NEB: variants seen among roughly 807,000 people sequenced by gnomAD.
NEB encodes the protein nemaline myopathy type 2.
In NEB, 512 loss-of-function variants were observed where a neutral mutation model predicts 952.2. The ratio of observed to expected loss-of-function variants is 0.54; its 90% CI spans 0.50 to 0.58. The LOEUF (loss-of-function observed/expected upper bound fraction) is 0.58, where lower values mean the gene tolerates loss of function less well. NEB is among the 20% of genes least tolerant of loss of function. NEB has a pLI of 0.00. For missense variants in NEB, 8,428 were observed against 9,231.1 expected, an observed-to-expected ratio of 0.91 and a Z score of 3.56; for synonymous variants, 2,900 against 3,149.8, an observed-to-expected ratio of 0.92 and a Z score of 2.66.
chr2:151,636,430 T>C, intron 63 of NEB, 96 bp from the exon 64 acceptor site: 2 of 930,434 alleles, frequency 2.1e-6, no homozygotes, highest in Non-Finnish European at 3.2e-6. Context: ...AGACAGTGCC[T>C]ATAATAATCT....
rs5835371 is a variant in NEB at position 151,524,654 on chromosome 2, C to CTTT, written c.22273-41_22273-39dup. 3.8e-3 allele frequency: 967 copies of CTTT among 257,256 alleles called. 18 individuals are homozygous for CTTT. The highest frequency in any genetic ancestry group is 9.2e-3 in the South Asian group (308 of 33,590). 15.9% of individuals were successfully genotyped at this position (257,256 alleles called of 1,614,324 possible). On this transcript the variant is annotated intron_variant, in intron 151 of 181. Coordinates refer to ENST00000397345, the MANE Select transcript of NEB (RefSeq NM_001164508.2). ...AGAAAATGTTTACTCAAGAGAGAGG[C>CTTT]TTTTTTTTTTTTTTTTTTTTTTTTT... is the stretch of plus-strand genomic sequence containing the variant.
At chr2:151,688,972 A>T (rs1024312635) in intron 24 of NEB, among the ~76,000 whole-genome samples, 6 of 152,116 alleles carry the variant, frequency 3.9e-5, no homozygotes, top group Non-Finnish European at 7.4e-5. Flanking sequence ...GACTGCAGGT[A>T]ACTGAAATTA....
intron 92 of NEB, among the ~76,000 whole-genome samples, chr2:151,595,690 A>G (rs2097429186): frequency 1.7e-5 from 1 of 57,708 alleles, no homozygotes; most frequent in Admixed American, 1.5e-4. Flanking sequence ...TATAAATATG[A>G]TTTCAGTCTT....
At chr2:151,678,455 CA>C (rs1188199962) in intron 32 of NEB, among the ~76,000 whole-genome samples, 3 of 152,098 alleles carry the variant, frequency 2.0e-5, no homozygotes, top group East Asian at 3.8e-4. Flanking sequence ...GTATCAGTGA[CA>C]AAACAGATCT....
chr2:151,611,042 C>T (rs2097934205), intron 78 of NEB, among the ~76,000 whole-genome samples, 176 bp from the exon 79 acceptor site: 1 of 152,182 alleles, frequency 6.6e-6, no homozygotes, highest in Non-Finnish European at 1.5e-5. Flanking sequence ...GAAAGTAAAA[C>T]ATAGCAATAT....
chr2:151,485,874 C>T lies in NEB; in HGVS notation c.25464G>A (p.Lys8488=), dbSNP rs2152618674. Residue 8488 remains lysine (K), a synonymous_variant, in exon 182 of 182, where the codon AAG becomes AAA. Transcript: ENST00000397345. The part of the protein sequence containing the change: ...MAADADEVSF[K]DGDAIINVQA... Reference sequence around the variant, plus strand: ...GAACATTTATGATGGCATCTCCATCCTTGAAGGACACCTCATCTGCATCAG... The same window carrying T: ...GAACATTTATGATGGCATCTCCATCTTTGAAGGACACCTCATCTGCATCAG... 4 of 1,613,976 alleles carry T rather than the reference C, an allele frequency of 2.5e-6. No homozygotes were observed. Among genetic ancestry groups the T allele is most frequent in the Non-Finnish European group, 2.5e-6 (3 of 1,179,864 alleles).
intron 92 of NEB, among the ~76,000 whole-genome samples, chr2:151,595,356 A>G (rs1340014991): frequency 6.6e-6 from 1 of 152,154 alleles, no homozygotes; most frequent in Non-Finnish European, 1.5e-5. Flanking sequence ...GGTTCAAGTG[A>G]TTCTCCTGCC....
At chr2:151,496,883 A>AATCATGAAATAGTTTT (rs1167002016) in intron 172 of NEB, 58 bp downstream of exon 172, 1 of 1,461,924 alleles carries the variant, frequency 6.8e-7, no homozygotes, top group African/African-American at 1.4e-5. Context: ...TATTATTTTA[A>AATCATGAAATAGTTTT]ATCATGAAAT....
intron 162 of NEB, chr2:151,507,250 GATT>G: frequency 7.2e-6 from 3 of 419,190 alleles, no homozygotes; most frequent in Non-Finnish European, 1.3e-5. Context: ...TTGCTTAGTA[GATT>G]TAACTTTGAA....
At chr2:151,634,642 A>AAAAAT (rs1048571316) in intron 64 of NEB, among the ~76,000 whole-genome samples, 27 of 152,144 alleles carry the variant, frequency 1.8e-4, no homozygotes, top group African/African-American at 2.2e-4. Flanking sequence ...TCCATCTCAA[A>AAAAAT]AAAATAAAAT....
intron 48 of NEB, among the ~76,000 whole-genome samples, chr2:151,656,786 T>C (rs1372695316): frequency 2.0e-5 from 3 of 151,724 alleles, no homozygotes; most frequent in Non-Finnish European, 1.5e-5. Flanking sequence ...CACTGACTTA[T>C]GCATGTACTT....
At chr2:151,652,266 C>A (rs891620693) in intron 52 of NEB, among the ~76,000 whole-genome samples, 1 of 152,108 alleles carries the variant, frequency 6.6e-6, no homozygotes, top group African/African-American at 2.4e-5. Context: ...GGCTCTGTTG[C>A]CCAGGCTGGA....
rs778381002 is a variant in NEB at position 151,695,611 on chromosome 2, G to T, written c.1641C>A (p.Ile547=). ...AGTTATAGGCATTGACTTTGTGCTG[G>T]ATAAAAGCAGGAGTATCAGGGGGGA... is the stretch of plus-strand genomic sequence containing the variant. ...CHIPPDTPAF[I]QHKVNAYNLS... The change falls in exon 18 of 182, where the codon ATC becomes ATA. Residue 547 remains isoleucine, a synonymous_variant. Transcript: ENST00000397345. 6.2e-7 allele frequency: 1 copy of T among 1,613,882 alleles called. No individual in the cohort carries two copies. Among genetic ancestry groups the T allele is most frequent in the Non-Finnish European group, 8.5e-7 (1 of 1,179,796 alleles).
intron 114 of NEB, 117 bp from the exon 115 acceptor site, chr2:151,565,937 A>C: frequency 1.5e-6 from 1 of 649,414 alleles, no homozygotes; most frequent in Non-Finnish European, 2.6e-6. Context: ...TAGTTTTCTC[A>C]TTCATTCAAT....
At chr2:151,729,558 A>C in intron 4 of NEB, 57 bp downstream of exon 4, 7 of 1,581,618 alleles carry the variant, frequency 4.4e-6, no homozygotes, top group Non-Finnish European at 6.1e-6. Flanking sequence ...AAGAAAGGAG[A>C]AAGCTCTTCC....
At chr2:151,701,495 T>C (rs1267125654) in intron 13 of NEB, among the ~76,000 whole-genome samples, 1 of 150,274 alleles carries the variant, frequency 6.7e-6, no homozygotes, top group African/African-American at 2.5e-5. Flanking sequence ...CATCTGGTCC[T>C]GGACTCTTTT....
At chr2:151,703,044 G>A (rs923557517) in intron 13 of NEB, among the ~76,000 whole-genome samples, 1 of 151,490 alleles carries the variant, frequency 6.6e-6, no homozygotes, top group East Asian at 1.9e-4. Context: ...AGCTCTTTTA[G>A]GGCAGGCCTG....
rs2099016941 is a variant in NEB, at chr2:151,650,302, G to T, written c.7305C>A (p.Asn2435Lys). ...CACTGATGATTTCCGAAGCCCGCTTGTTCTTTTCTGCCTCTAAAGAACCCA... is the reference window on the plus strand; with the variant it reads ...CACTGATGATTTCCGAAGCCCGCTTTTTCTTTTCTGCCTCTAAAGAACCCA... Reference protein sequence around the residue: ...SPLGSLEAEKNKRASEIISEK... With the variant: ...SPLGSLEAEKKKRASEIISEK... Residue 2435 changes from asparagine to lysine, a missense_variant, in exon 54 of 182, where the codon AAC becomes AAA. Asn to Lys is a moderately conservative substitution (Grantham distance 94). Around this residue, in one of 11 missense-constraint regions of NEB, gnomAD observed 1,772 missense variants for 1,960.3 expected, o/e 0.90. Transcript: ENST00000397345. 1.9e-6 allele frequency: 3 copies of T among 1,613,818 alleles called. No homozygotes were observed. Among genetic ancestry groups the T allele is most frequent in the East Asian group, 4.5e-5 (2 of 44,866 alleles).
At position 151,540,552 on chromosome 2, in the gene NEB, T is replaced by C; in HGVS notation, c.20788-104A>G. On this transcript the variant is annotated intron_variant, in intron 137 of 181. Coordinates refer to ENST00000397345, the MANE Select transcript of NEB (RefSeq NM_001164508.2). Reference sequence around the variant, plus strand: ...GAGGGGCACAATGTGTTACACACTTTAAGAGAATAGCTCTGCCTTTTGTGT... The same window carrying C: ...GAGGGGCACAATGTGTTACACACTTCAAGAGAATAGCTCTGCCTTTTGTGT... 3 of 1,121,432 alleles carry C rather than the reference T, an allele frequency of 2.7e-6. No individual in the cohort carries two copies. The South Asian group carries it at 4.3e-5, about 16-fold the overall frequency. The allele number at this position is 1,121,432 out of a possible 1,614,324, so 69.5% of individuals were successfully genotyped here. A position where few individuals can be genotyped will look rare whatever the true frequency, so the allele number is the denominator to read the frequency against.
Sources: allele counts gnomAD v4.1 joint callset (sites outside exome capture counted in the v4.1 genomes callset), GRCh38; gene constraint gnomAD v4.1.1; regional missense constraint gnomAD v4.1.1; transcripts MANE v1.5; gene names NCBI Gene and HGNC (gene_info 2026-07-23, HGNC 2026-07-21).